The following TIGIT variants were observed in gnomAD, a reference collection of about 807,000 sequenced individuals.
TIGIT encodes T cell immunoreceptor with Ig and ITIM domains.
A neutral mutation model predicts 19.6 loss-of-function variants in TIGIT; 11 were observed. That is an observed-to-expected ratio of 0.56 (90% CI 0.35 to 0.93). The LOEUF is 0.93. Among genes scored for constraint, TIGIT ranks in the 40% least tolerant of loss-of-function variants. The probability of loss-of-function intolerance (pLI) is 0.01; values close to 1 mark genes in which losing one functional copy is unlikely to be tolerated. For missense variants in TIGIT, 295 were observed against 303.9 expected (o/e 0.97, Z 0.22); for synonymous variants, 130 against 125.5 (o/e 1.04, Z -0.24).
Position 114,294,029 on chromosome 3 carries a change from C to T in TIGIT, c.-33C>T. ...CTACTTTCAGTGGCAGAAGAGGCCA[C>T]ATCTGCTTCCTGTAGGCCCTCTGGG... On this transcript the variant is annotated 5_prime_UTR_variant, in exon 1 of 4. Coordinates refer to ENST00000383671, the MANE Select transcript of TIGIT (RefSeq NM_173799.4). 6.5e-7 allele frequency: 1 copy of T among 1,527,048 alleles called. No individual in the cohort carries two copies. Among genetic ancestry groups the T allele is most frequent in the Non-Finnish European group, 8.9e-7 (1 of 1,124,334 alleles). 94.6% of individuals were successfully genotyped at this position (1,527,048 alleles called of 1,614,324 possible). A position where few individuals can be genotyped will look rare whatever the true frequency, so the allele number is the denominator to read the frequency against.
chr3:114,304,267 T>A (rs536113644), intron 3 of TIGIT, among the ~76,000 whole-genome samples: 17 of 152,304 alleles, frequency 1.1e-4, no homozygotes, highest in African/African-American at 3.4e-4. Context: ...ATTTTTGTTT[T>A]AAAAAAACAC....
rs1398592968 is a variant in TIGIT, at chr3:114,299,588, T to C, written c.392-9T>C. Reference sequence around the variant, plus strand: ...TCTGCCACTCATCTCTGTTTTGTCCTCCCTCTAGTGGCTGAGCACGGTGCC... The same window carrying C: ...TCTGCCACTCATCTCTGTTTTGTCCCCCCTCTAGTGGCTGAGCACGGTGCC... On this transcript the variant is annotated splice_polypyrimidine_tract_variant and intron_variant, in intron 2 of 3. Transcript: ENST00000383671. The C allele has an allele frequency of 6.2e-7, 1 of 1,606,604 alleles. No individual in the cohort carries two copies.
intron 3 of TIGIT, among the ~76,000 whole-genome samples, chr3:114,303,518 C>T (rs1474675773): frequency 0.14 from 590 of 4,196 alleles, 4 homozygotes; most frequent in Non-Finnish European, 0.25. Flanking sequence ...TATATATATA[C>T]ACATATATAT....
At chr3:114,305,256 T>C (rs1231752514) in intron 3 of TIGIT, among the ~76,000 whole-genome samples, 1 of 152,192 alleles carries the variant, frequency 6.6e-6, no homozygotes, top group African/African-American at 2.4e-5. Context: ...TCCCATCTCA[T>C]TTCACCACCA....
intron 3 of TIGIT, among the ~76,000 whole-genome samples, chr3:114,300,015 A>G (rs2078482447): frequency 6.6e-6 from 1 of 152,102 alleles, no homozygotes; most frequent in African/African-American, 2.4e-5. Flanking sequence ...TATGATTTTG[A>G]TGCATCGTGG....
chr3:114,300,477 G>A (rs2078485517), intron 3 of TIGIT, among the ~76,000 whole-genome samples: 1 of 152,106 alleles, frequency 6.6e-6, no homozygotes, highest in African/African-American at 2.4e-5. Flanking sequence ...TAATGAATGG[G>A]GAATTGAAAG....
chr3:114,309,187 A>T lies in TIGIT; in HGVS notation c.*1056A>T, dbSNP rs1576146050. ...TAAAATAGGGACTCTTCCTAGGGGA[A>T]AAAGGGGGGCTGGGAGTGATAGAGG... On this transcript the variant is annotated 3_prime_UTR_variant, in exon 4 of 4. Coordinates refer to ENST00000383671, the MANE Select transcript of TIGIT (RefSeq NM_173799.4). 1 of 152,258 alleles carries T rather than the reference A, an allele frequency of 6.6e-6. No homozygotes were observed. The highest frequency in any genetic ancestry group is 6.5e-5 in the Admixed American group (1 of 15,282). 9.4% of individuals were successfully genotyped at this position (152,258 alleles called of 1,614,324 possible). A position where few individuals can be genotyped will look rare whatever the true frequency, so the allele number is the denominator to read the frequency against.
At position 114,310,155 on chromosome 3, in the gene TIGIT, A is replaced by G. The variant is rs1049382004; in HGVS notation, c.*2024A>G. ...ATCAAGATGTGCTGTTATAATTGGT[A>G]TAAGCATAAAATCACACTAGATTCT... On this transcript the variant is annotated 3_prime_UTR_variant, in exon 4 of 4. Coordinates refer to ENST00000383671, the MANE Select transcript of TIGIT (RefSeq NM_173799.4). 4 of 152,222 alleles carry G rather than the reference A, an allele frequency of 2.6e-5. No homozygotes were observed. The highest frequency in any genetic ancestry group is 7.2e-5 in the African/African-American group (3 of 41,456). 9.4% of individuals were successfully genotyped at this position (152,222 alleles called of 1,614,324 possible). A position where few individuals can be genotyped will look rare whatever the true frequency, so the allele number is the denominator to read the frequency against.
chr3:114,295,639 A>T lies in TIGIT; in HGVS notation c.156A>T (p.Ala52=). ...AATGTCACCTCTCCTCCACCACGGCACAAGTGACCCAGGTCAACTGGGAGC... is the reference window on the plus strand; with the variant it reads ...AATGTCACCTCTCCTCCACCACGGCTCAAGTGACCCAGGTCAACTGGGAGC... ...ILQCHLSSTT[A]QVTQVNWEQQ... The change falls in exon 2 of 4, where the codon GCA becomes GCT. Residue 52 remains alanine, a synonymous_variant. Coordinates refer to ENST00000383671, the MANE Select transcript of TIGIT (RefSeq NM_173799.4). 1 of 1,614,208 alleles carries T rather than the reference A, an allele frequency of 6.2e-7. No homozygotes were observed. Among genetic ancestry groups the T allele is most frequent in the East Asian group, 2.2e-5 (1 of 44,876 alleles).
chr3:114,303,621 G>GTATA (rs375978834), intron 3 of TIGIT, among the ~76,000 whole-genome samples: 1 of 56,792 alleles, frequency 1.8e-5, no homozygotes, highest in African/African-American at 5.1e-5. Context: ...ACATATATAT[G>GTATA]TATATATATA....
chr3:114,303,192 T>A (rs1452283088), intron 3 of TIGIT, among the ~76,000 whole-genome samples: 1 of 152,030 alleles, frequency 6.6e-6, no homozygotes, highest in Non-Finnish European at 1.5e-5. Context: ...TAGTGGTGAT[T>A]TCTGAGATTT....
rs2078547818 is a variant in TIGIT at position 114,308,065 on chromosome 3, T to C, written c.669T>C (p.His223=). 1.2e-6 allele frequency: 2 copies of C among 1,614,210 alleles called. No individual in the cohort carries two copies. Among genetic ancestry groups the C allele is most frequent in the African/African-American group, 1.3e-5 (1 of 75,050 alleles). ...EQRGEDCAEL[H]DYFNVLSYRS... ...GGGGAGAGGACTGTGCCGAGCTGCA[T>C]GACTACTTCAATGTCCTGAGTTACA... The change falls in exon 4 of 4, where the codon CAT becomes CAC. Residue 223 remains histidine, a synonymous_variant. Coordinates refer to ENST00000383671, the MANE Select transcript of TIGIT (RefSeq NM_173799.4).
chr3:114,295,498 G>T (rs2107946963), intron 1 of TIGIT, 47 bp from the exon 2 acceptor site: 2 of 1,518,860 alleles, frequency 1.3e-6, no homozygotes, highest in Non-Finnish European at 1.8e-6. Context: ...AAGGTTGAAG[G>T]CCAGCTGCTG....
At chr3:114,299,226 A>G (rs2078473990) in intron 2 of TIGIT, among the ~76,000 whole-genome samples, 1 of 152,188 alleles carries the variant, frequency 6.6e-6, no homozygotes, top group South Asian at 2.1e-4. Context: ...ATTTTTATTG[A>G]TATGATTTCA....
chr3:114,302,395 C>T (rs1035669269), intron 3 of TIGIT, among the ~76,000 whole-genome samples: 6 of 152,214 alleles, frequency 3.9e-5, no homozygotes, highest in African/African-American at 1.4e-4. Context: ...TGACTTTCCA[C>T]AGGGTTGGCT....
intron 3 of TIGIT, among the ~76,000 whole-genome samples, chr3:114,307,231 C>A (rs1303625628): frequency 6.6e-6 from 1 of 152,128 alleles, no homozygotes; most frequent in Non-Finnish European, 1.5e-5. Context: ...CTGAGCTTGC[C>A]GTGGGTCATC....
At chr3:114,299,788 A>G (rs2078481122) in intron 3 of TIGIT, 85 bp downstream of exon 3, 1 of 836,252 alleles carries the variant, frequency 1.2e-6, no homozygotes, top group Non-Finnish European at 2.0e-6. Context: ...CCACCCAGAG[A>G]GAGACCCAGA....
chr3:114,308,235 G>A lies in TIGIT; in HGVS notation c.*104G>A. 6.1e-6 allele frequency: 5 copies of A among 814,536 alleles called. No individual in the cohort carries two copies. Among genetic ancestry groups the A allele is most frequent in the Non-Finnish European group, 8.1e-6 (4 of 495,776 alleles). 50.5% of individuals were successfully genotyped at this position (814,536 alleles called of 1,614,324 possible). A position where few individuals can be genotyped will look rare whatever the true frequency, so the allele number is the denominator to read the frequency against. ...CAGTGCTGCGTGTGTGTGTGTGTGT[G>A]TATGTGTGTGTGTGTTCAGTTGAGT... is the stretch of plus-strand genomic sequence containing the variant. On this transcript the variant is annotated 3_prime_UTR_variant, in exon 4 of 4. Coordinates refer to ENST00000383671, the MANE Select transcript of TIGIT (RefSeq NM_173799.4).
At position 114,295,767 on chromosome 3, in the gene TIGIT, T is replaced by G. The variant is rs763148240; in HGVS notation, c.284T>G (p.Leu95Arg). The change falls in exon 2 of 4, where the codon CTC becomes CGC. Residue 95 changes from leucine to arginine, a missense_variant. Transcript: ENST00000383671. The stretch of plus-strand genomic sequence containing the variant: ...CCAGGTCCCGGCCTGGGCCTCACCC[T>G]CCAGTCGCTGACCGTGAACGATACA... ...VAPGPGLGLT[L>R]QSLTVNDTGE... 6.2e-7 allele frequency: 1 copy of G among 1,614,138 alleles called. No individual in the cohort carries two copies. Among genetic ancestry groups the G allele is most frequent in the South Asian group, 1.1e-5 (1 of 91,078 alleles).
Sources: allele counts gnomAD v4.1 joint callset (sites outside exome capture counted in the v4.1 genomes callset), GRCh38; gene constraint gnomAD v4.1.1; transcripts MANE v1.5; gene names NCBI Gene and HGNC (gene_info 2026-07-23, HGNC 2026-07-21).